The following HPSE2 variants were observed in gnomAD, a reference collection of about 807,000 sequenced individuals.
HPSE2 encodes inactive heparanase-2.
In HPSE2, 38 loss-of-function variants were observed where a neutral mutation model predicts 60.5. That is an observed-to-expected ratio of 0.63 (90% CI 0.48 to 0.82). The LOEUF (loss-of-function observed/expected upper bound fraction) is 0.82. HPSE2 is among the 40% of genes least tolerant of loss of function. The probability of loss-of-function intolerance (pLI) is 0.00; values close to 1 mark genes in which losing one functional copy is unlikely to be tolerated. For missense variants in HPSE2, 713 were observed against 740.4 expected (o/e 0.96, Z 0.43); for synonymous variants, 295 against 293.2 (o/e 1.01, Z -0.06).
At chr10:99,054,736 A>G (rs912685394) in intron 3 of HPSE2, among the ~76,000 whole-genome samples, 50 of 152,218 alleles carry the variant, frequency 3.3e-4, no homozygotes, top group African/African-American at 1.2e-3. Flanking sequence ...TTTGAGACGG[A>G]GTCTCGCACT....
At chr10:98,471,539 A>AT (rs569511157) in intron 11 of HPSE2, among the ~76,000 whole-genome samples, 13 of 151,340 alleles carry the variant, frequency 8.6e-5, no homozygotes, top group South Asian at 6.3e-4. Context: ...AGGAGGCTAC[A>AT]TTTTTTTTTA....
At chr10:98,815,053 A>G (rs1951253789) in intron 3 of HPSE2, among the ~76,000 whole-genome samples, 1 of 152,218 alleles carries the variant, frequency 6.6e-6, no homozygotes, top group African/African-American at 2.4e-5. Flanking sequence ...GGACTGCTTG[A>G]GGCCAGGAAT....
At chr10:99,107,539 G>T (rs1844296562) in intron 3 of HPSE2, among the ~76,000 whole-genome samples, 1 of 152,054 alleles carries the variant, frequency 6.6e-6, no homozygotes, top group African/African-American at 2.4e-5. Context: ...TGCCTATTAA[G>T]ATTGTAATTC....
intron 3 of HPSE2, among the ~76,000 whole-genome samples, chr10:98,895,904 G>A (rs915865348): frequency 2.4e-5 from 3 of 125,900 alleles, no homozygotes; most frequent in African/African-American, 9.0e-5. Context: ...ATGGACACAG[G>A]AAGGGGAACA....
intron 9 of HPSE2, among the ~76,000 whole-genome samples, chr10:98,549,743 G>A (rs528827944): frequency 1.3e-5 from 2 of 152,088 alleles, no homozygotes; most frequent in African/African-American, 4.8e-5. Flanking sequence ...ACTGAATATT[G>A]ACCAACAATT....
chr10:98,577,188 T>C (rs1419275169), intron 9 of HPSE2, among the ~76,000 whole-genome samples: 5 of 151,938 alleles, frequency 3.3e-5, no homozygotes, highest in African/African-American at 1.2e-4. Flanking sequence ...GCTTGCTGAT[T>C]ACTTTAACTT....
chr10:99,128,396 C>T (rs1481648638), intron 3 of HPSE2, among the ~76,000 whole-genome samples: 4 of 152,090 alleles, frequency 2.6e-5, no homozygotes, highest in Non-Finnish European at 4.4e-5. Flanking sequence ...CATTCCAGCA[C>T]TATTCACAAT....
chr10:98,560,887 G>C (rs1368509188), intron 9 of HPSE2, among the ~76,000 whole-genome samples: 1 of 151,726 alleles, frequency 6.6e-6, no homozygotes, highest in Non-Finnish European at 1.5e-5. Flanking sequence ...TTGTATAAAA[G>C]TATAGCACAT....
At chr10:98,993,272 G>A (rs559822823) in intron 3 of HPSE2, among the ~76,000 whole-genome samples, 3 of 152,330 alleles carry the variant, frequency 2.0e-5, no homozygotes, top group African/African-American at 7.2e-5. Context: ...CTGAGCCAGA[G>A]AGAACTGCAT....
the HPSE2 span, among the ~76,000 whole-genome samples, chr10:99,286,472 A>G: frequency 2.8e-4 from 42 of 152,350 alleles, no homozygotes; most frequent in African/African-American, 9.1e-4. Flanking sequence ...CTTATATGAA[A>G]TATCTAGAAT....
intron 6 of HPSE2, among the ~76,000 whole-genome samples, chr10:98,687,747 G>C (rs1947954942): frequency 6.6e-6 from 1 of 151,894 alleles, no homozygotes; most frequent in African/African-American, 2.4e-5. Context: ...AGCCTACTTT[G>C]CCTGAAATTA....
rs532767285 is a variant in HPSE2, at chr10:98,823,359, C to T, written c.611-79303G>A. Among the ~76,000 whole-genome samples, 3 of 152,208 alleles carry T rather than the reference C, an allele frequency of 2.0e-5. No individual in the cohort carries two copies. The South Asian group carries it at 6.2e-4, about 32-fold the overall frequency. ...ATGCACCAGGCACAGTGGCTCACAT[C>T]TGTAATCCCAGCGCTTTGAGAGGCC... On this transcript the variant is annotated intron_variant, in intron 3 of 11. Coordinates refer to ENST00000370552, the MANE Select transcript of HPSE2 (RefSeq NM_021828.5).
chr10:98,891,916 G>A (rs1012887942), intron 3 of HPSE2, among the ~76,000 whole-genome samples: 10 of 151,864 alleles, frequency 6.6e-5, no homozygotes, highest in African/African-American at 2.2e-4. Flanking sequence ...GAATACACAC[G>A]TGTGCCACCA....
intron 3 of HPSE2, among the ~76,000 whole-genome samples, chr10:98,987,187 CAA>C (rs891427961): frequency 6.2e-5 from 9 of 144,780 alleles, no homozygotes; most frequent in Admixed American, 2.1e-4. Flanking sequence ...AGAGAGACAA[CAA>C]AAAAAAAAGA....
chr10:98,555,725 A>G (rs1001741708), intron 9 of HPSE2, among the ~76,000 whole-genome samples: 7 of 152,218 alleles, frequency 4.6e-5, no homozygotes, highest in Non-Finnish European at 8.8e-5. Flanking sequence ...TGAAGAGGAC[A>G]TTTGGTTGCA....
intron 3 of HPSE2, among the ~76,000 whole-genome samples, chr10:98,824,268 G>A (rs892394146): frequency 1.3e-5 from 2 of 152,102 alleles, no homozygotes; most frequent in African/African-American, 2.4e-5. Flanking sequence ...GAGCGGGGGT[G>A]GTCATGGAAG....
chr10:98,693,887 G>T lies in HPSE2; in HGVS notation c.1004+13C>A. 1 of 1,600,852 alleles carries T rather than the reference G, an allele frequency of 6.2e-7. No homozygotes were observed. Among genetic ancestry groups the T allele is most frequent in the Non-Finnish European group, 8.6e-7 (1 of 1,167,944 alleles). On this transcript the variant is annotated intron_variant, in intron 6 of 11. Coordinates refer to ENST00000370552, the MANE Select transcript of HPSE2 (RefSeq NM_021828.5). ...GCTGATAATAAGTAAGAGCAAAAAT[G>T]GTGAATACCTACTGTTGCCAGGTAA... is the stretch of plus-strand genomic sequence containing the variant.
intron 3 of HPSE2, among the ~76,000 whole-genome samples, chr10:99,029,107 C>A (rs1409198676): frequency 6.6e-6 from 1 of 152,134 alleles, no homozygotes; most frequent in Admixed American, 6.5e-5. Flanking sequence ...CAAGTATAGG[C>A]AACCAAAGAA....
At chr10:99,250,664 C>G in the HPSE2 span, among the ~76,000 whole-genome samples, 2 of 152,110 alleles carry the variant, frequency 1.3e-5, no homozygotes, top group Non-Finnish European at 2.9e-5. Context: ...ACTCCTGGAC[C>G]ACAGTGGAAT....
Sources: gnomAD v4.1 joint callset for allele counts (sites outside exome capture counted in the v4.1 genomes callset) on GRCh38, gnomAD v4.1.1 for gene constraint, MANE v1.5 for transcripts, NCBI Gene and HGNC (gene_info 2026-07-23, HGNC 2026-07-21) for gene names.